ASTN2: variants seen among roughly 807,000 people sequenced by gnomAD.
ASTN2 encodes astrotactin-2.
A neutral mutation model predicts 139.8 loss-of-function variants in ASTN2; 54 were observed. The ratio of observed to expected loss-of-function variants is 0.39; its 90% CI spans 0.31 to 0.48. The LOEUF is 0.48. Among genes scored for constraint, ASTN2 ranks in the 20% least tolerant of loss-of-function variants. The pLI is 0.95. For missense variants in ASTN2, 1,565 were observed against 1,725.1 expected (o/e 0.91, Z 1.64); for synonymous variants, 756 against 719.5 (o/e 1.05, Z -0.81).
At chr9:116,660,168 GCA>G (rs3041004) in intron 16 of ASTN2, among the ~76,000 whole-genome samples, 2,551 of 146,588 alleles carry the variant, frequency 0.017, 36 homozygotes, top group African/African-American at 0.037. Context: ...TATTGCAAGC[GCA>G]CACACACACA....
chr9:117,353,153 T>C (rs1393170619), intron 1 of ASTN2, among the ~76,000 whole-genome samples: 1 of 152,110 alleles, frequency 6.6e-6, no homozygotes, highest in African/African-American at 2.4e-5. Flanking sequence ...TTAAAAATGG[T>C]TAAAATGGCA....
intron 10 of ASTN2, among the ~76,000 whole-genome samples, chr9:116,970,388 C>T (rs940681089): frequency 6.6e-6 from 1 of 152,184 alleles, no homozygotes; most frequent in Admixed American, 6.5e-5. Flanking sequence ...GAGCTAGTGA[C>T]TTCCTGCTAA....
intron 19 of ASTN2, among the ~76,000 whole-genome samples, chr9:116,572,446 T>C (rs1369061302): frequency 6.6e-6 from 1 of 152,148 alleles, no homozygotes; most frequent in African/African-American, 2.4e-5. Context: ...TAAGGGACTT[T>C]AGGAGAGGAA....
At chr9:116,600,400 C>A (rs1327655439) in intron 19 of ASTN2, among the ~76,000 whole-genome samples, 1 of 151,928 alleles carries the variant, frequency 6.6e-6, no homozygotes, top group Non-Finnish European at 1.5e-5. Context: ...TCTTCCTGAT[C>A]CCCTGATCCA....
At chr9:117,206,894 GC>G (rs1280379735) in intron 3 of ASTN2, among the ~76,000 whole-genome samples, 3 of 152,116 alleles carry the variant, frequency 2.0e-5, no homozygotes, top group Non-Finnish European at 4.4e-5. Flanking sequence ...GCTCCAGAGT[GC>G]CCCCACCCAC....
intron 1 of ASTN2, among the ~76,000 whole-genome samples, chr9:117,361,592 G>A (rs1433158291): frequency 6.6e-6 from 1 of 152,170 alleles, no homozygotes; most frequent in Non-Finnish European, 1.5e-5. Context: ...TGAGGGCTCT[G>A]CAGAAAGCTG....
At chr9:116,634,546 C>T (rs1244943512) in intron 17 of ASTN2, among the ~76,000 whole-genome samples, 3 of 147,196 alleles carry the variant, frequency 2.0e-5, no homozygotes, top group Non-Finnish European at 4.5e-5. Context: ...GCCGAGATCG[C>T]GCCACTGCAC....
At chr9:116,936,369 C>T (rs774407079) in intron 10 of ASTN2, among the ~76,000 whole-genome samples, 3 of 152,032 alleles carry the variant, frequency 2.0e-5, no homozygotes, top group Non-Finnish European at 2.9e-5. Context: ...GCCACCACTA[C>T]AACCCCAGGT....
intron 4 of ASTN2, among the ~76,000 whole-genome samples, chr9:117,108,420 AAAAAC>A (rs1399505915): frequency 4.1e-5 from 5 of 122,660 alleles, no homozygotes; most frequent in African/African-American, 1.4e-4. Flanking sequence ...CCCTTTGGAA[AAAAAC>A]AAAACAAAAC....
intron 16 of ASTN2, among the ~76,000 whole-genome samples, chr9:116,667,997 G>A (rs1858973098): frequency 6.6e-6 from 1 of 152,044 alleles, no homozygotes; most frequent in Admixed American, 6.6e-5. Context: ...AATGTATAAT[G>A]ACATGTATCT....
intron 19 of ASTN2, among the ~76,000 whole-genome samples, chr9:116,590,612 G>C (rs974125758): frequency 6.6e-6 from 1 of 152,174 alleles, no homozygotes; most frequent in Non-Finnish European, 1.5e-5. Flanking sequence ...CTTCAGGCCT[G>C]GGATGGCCTG....
At chr9:116,518,663 C>T (rs1157117813) in intron 19 of ASTN2, among the ~76,000 whole-genome samples, 1 of 152,112 alleles carries the variant, frequency 6.6e-6, no homozygotes, top group African/African-American at 2.4e-5. Context: ...TAGTACATAA[C>T]ATCTTAATGC....
intron 7 of ASTN2, among the ~76,000 whole-genome samples, chr9:117,004,341 G>A (rs1339433283): frequency 6.6e-6 from 1 of 152,018 alleles, no homozygotes; most frequent in East Asian, 1.9e-4. Flanking sequence ...GGCTGGTCTT[G>A]GACTCCTGGG....
chr9:117,313,352 C>T (rs886860717), intron 1 of ASTN2, among the ~76,000 whole-genome samples: 3 of 152,116 alleles, frequency 2.0e-5, no homozygotes, highest in African/African-American at 7.2e-5. Flanking sequence ...AGGGAGGAGT[C>T]AGACAAGGTC....
intron 6 of ASTN2, among the ~76,000 whole-genome samples, chr9:117,033,894 G>A (rs1179251210): frequency 6.6e-6 from 1 of 152,140 alleles, no homozygotes; most frequent in Non-Finnish European, 1.5e-5. Flanking sequence ...AGTGCTTTGT[G>A]TGCTACTCAA....
intron 6 of ASTN2, among the ~76,000 whole-genome samples, chr9:117,027,183 C>A (rs986973818): frequency 2.6e-5 from 4 of 152,110 alleles, no homozygotes; most frequent in Admixed American, 2.6e-4. Context: ...TTCTCCCAAC[C>A]CTACAGATTA....
chr9:117,033,309 C>A (rs911908462), intron 6 of ASTN2, among the ~76,000 whole-genome samples: 39 of 152,180 alleles, frequency 2.6e-4, no homozygotes, highest in African/African-American at 9.4e-4. Context: ...GAACTCATTA[C>A]CCTGCAATGA....
At chr9:116,845,331 G>T (rs1832396492) in intron 11 of ASTN2, among the ~76,000 whole-genome samples, 1 of 152,144 alleles carries the variant, frequency 6.6e-6, no homozygotes. Flanking sequence ...GTGTTAACCA[G>T]GATGGTCTCG....
Position 116,698,476 on chromosome 9 carries a change from A to G in ASTN2, c.2806+27295T>C, listed in dbSNP as rs762250542. 1.9e-6 allele frequency: 3 copies of G among 1,613,962 alleles called. No homozygotes were observed. Among genetic ancestry groups the G allele is most frequent in the Non-Finnish European group, 8.5e-7 (1 of 1,180,008 alleles). Reference sequence around the variant, plus strand: ...TCTCGCTGTGACTACTTCCTGGCCAAGATCAAGCAGGCAGATGTAGCACTA... The same window carrying G: ...TCTCGCTGTGACTACTTCCTGGCCAGGATCAAGCAGGCAGATGTAGCACTA... On this transcript the variant is annotated intron_variant, in intron 16 of 22. Coordinates refer to ENST00000313400, the MANE Select transcript of ASTN2 (RefSeq NM_001365068.1). The surrounding 1 kb of genome is among the most constrained non-coding windows in gnomAD (Gnocchi z 4.4).
Sources: allele counts gnomAD v4.1 joint callset (sites outside exome capture counted in the v4.1 genomes callset), GRCh38; gene constraint gnomAD v4.1.1; non-coding constraint Gnocchi (gnomAD v3.1); transcripts MANE v1.5; gene names NCBI Gene and HGNC (gene_info 2026-07-23, HGNC 2026-07-21).